The following FRK variants were observed in gnomAD, a reference collection of about 807,000 sequenced individuals.
FRK encodes fyn related Src family tyrosine kinase.
In FRK, 51 loss-of-function variants were observed where a neutral mutation model predicts 56.4. The observed-to-expected ratio is 0.90, with a 90% CI of 0.72 to 1.14. FRK has a LOEUF of 1.14. Ranked by LOEUF, FRK falls within the 50% of genes most tolerant of loss-of-function variation. The pLI is 0.00. For missense variants in FRK, 570 were observed against 601.4 expected, an observed-to-expected ratio of 0.95 and a Z score of 0.55; for synonymous variants, 245 against 217.9, an observed-to-expected ratio of 1.12 and a Z score of -1.10.
chr6:116,004,805 C>A (rs1396630643), intron 1 of FRK, among the ~76,000 whole-genome samples: 2 of 152,006 alleles, frequency 1.3e-5, no homozygotes, highest in Admixed American at 6.6e-5. Flanking sequence ...TAGTAGAAAC[C>A]AATGTGTTCT....
intron 2 of FRK, among the ~76,000 whole-genome samples, chr6:115,991,524 G>T (rs1405357928): frequency 6.6e-6 from 1 of 151,610 alleles, no homozygotes; most frequent in Non-Finnish European, 1.5e-5. Flanking sequence ...CTATTGAGAT[G>T]GTTGCATAAT....
At chr6:116,027,838 A>AC (rs1179536745) in intron 1 of FRK, among the ~76,000 whole-genome samples, 7 of 144,586 alleles carry the variant, frequency 4.8e-5, no homozygotes, top group African/African-American at 1.8e-4. Context: ...CTTTGAGTTT[A>AC]AAAAAAAAAA....
intron 2 of FRK, among the ~76,000 whole-genome samples, chr6:115,984,588 A>G (rs1774320842): frequency 1.3e-5 from 2 of 152,020 alleles, no homozygotes; most frequent in African/African-American, 4.8e-5. Flanking sequence ...TGGATGCACT[A>G]ATAATGAATC....
intron 1 of FRK, among the ~76,000 whole-genome samples, chr6:116,005,002 A>C (rs2114698340): frequency 6.6e-6 from 1 of 152,266 alleles, no homozygotes; most frequent in Non-Finnish European, 1.5e-5. Flanking sequence ...GGGAGAAAAA[A>C]AAAAATGTGT....
intron 1 of FRK, among the ~76,000 whole-genome samples, chr6:116,052,767 C>G (rs759481807): frequency 1.1e-4 from 16 of 152,068 alleles, no homozygotes; most frequent in Non-Finnish European, 1.8e-4. Flanking sequence ...AGGGAGAGTG[C>G]AGACGGTCGA....
chr6:116,000,481 G>A (rs1222750163), intron 2 of FRK, among the ~76,000 whole-genome samples: 1 of 151,770 alleles, frequency 6.6e-6, no homozygotes, highest in African/African-American at 2.4e-5. Flanking sequence ...GGCCCCAAGT[G>A]ATCCACCCAG....
intron 1 of FRK, 133 bp from the exon 2 acceptor site, chr6:116,004,131 T>C (rs1271627114): frequency 2.7e-6 from 2 of 730,750 alleles, no homozygotes; most frequent in Non-Finnish European, 4.4e-6. Flanking sequence ...CAGGTATAAA[T>C]GGTAGCTTCT....
intron 1 of FRK, among the ~76,000 whole-genome samples, chr6:116,016,497 C>T (rs1775658624): frequency 6.6e-6 from 1 of 152,020 alleles, no homozygotes; most frequent in Non-Finnish European, 1.5e-5. Flanking sequence ...AATCTTAATC[C>T]ATACATGACA....
chr6:115,946,998 T>C (rs576287871), intron 5 of FRK, among the ~76,000 whole-genome samples: 60 of 152,006 alleles, frequency 3.9e-4, no homozygotes, highest in African/African-American at 1.4e-3. Context: ...AAGGAGGTGG[T>C]GGCAAATTCC....
chr6:115,979,078 AACAG>A (rs1439429421), intron 2 of FRK, among the ~76,000 whole-genome samples: 1 of 152,044 alleles, frequency 6.6e-6, no homozygotes, highest in African/African-American at 2.4e-5. Context: ...ATACATGCAA[AACAG>A]ACAGAGAGTA....
At position 116,034,355 on chromosome 6, in the gene FRK, T is replaced by C. The variant is rs528117512; in HGVS notation, c.344+25613A>G. ...TGTATGCATGAATCAAAATATCACA[T>C]GTACACCATAAATATGTATAATTAT... On this transcript the variant is annotated intron_variant, in intron 1 of 7. Transcript: ENST00000606080. Among the ~76,000 whole-genome samples the C allele has an allele frequency of 6.4e-4, 98 of 152,224 alleles. 5 individuals carry two copies. In the South Asian group the frequency reaches 0.017, roughly 26 times the overall value.
the FRK span, among the ~76,000 whole-genome samples, chr6:116,096,730 A>C: frequency 3.9e-5 from 6 of 152,352 alleles, no homozygotes; most frequent in African/African-American, 1.2e-4. Flanking sequence ...GGGACAAATA[A>C]GGGAATAAAA....
At chr6:116,090,041 A>C in the FRK span, among the ~76,000 whole-genome samples, 2 of 152,196 alleles carry the variant, frequency 1.3e-5, no homozygotes, top group Admixed American at 1.3e-4. Context: ...TAAACAAATA[A>C]TTTTTTAGCA....
intron 1 of FRK, among the ~76,000 whole-genome samples, chr6:116,042,037 C>T (rs1776737617): frequency 6.6e-6 from 1 of 152,212 alleles, no homozygotes; most frequent in South Asian, 2.1e-4. Context: ...CTGAAGTCTA[C>T]CTGGGACACT....
intron 5 of FRK, among the ~76,000 whole-genome samples, chr6:115,955,611 TTAA>T (rs1772953252): frequency 6.6e-6 from 1 of 152,240 alleles, no homozygotes; most frequent in African/African-American, 2.4e-5. Context: ...GTTTTGTAGC[TTAA>T]TGTTACCAGC....
At chr6:116,020,325 T>G (rs1229027336) in intron 1 of FRK, among the ~76,000 whole-genome samples, 1 of 152,044 alleles carries the variant, frequency 6.6e-6, no homozygotes, top group Non-Finnish European at 1.5e-5. Context: ...GGAGTTTTGC[T>G]CGGACGCCCA....
In FRK at chr6:115,943,084, G is replaced by C; in HGVS notation, c.1242C>G (p.Ser414=). 3.1e-6 allele frequency: 5 copies of C among 1,613,322 alleles called. No individual in the cohort carries two copies. The highest frequency in any genetic ancestry group is 4.2e-6 in the Non-Finnish European group (5 of 1,179,642). The change falls in exon 7 of 8, where the codon TCC becomes TCG. Residue 414 remains serine, a synonymous_variant. Coordinates refer to ENST00000606080, the MANE Select transcript of FRK (RefSeq NM_002031.3). ...AIRSNKFSIK[S]DVWSFGILLY... ...GAAGGATTCCAAATGACCATACATC[G>C]GACTTAATGCTGAATTTATTACTAC...
intron 2 of FRK, chr6:116,002,676 T>C (rs1253970388): frequency 1.8e-5 from 8 of 455,192 alleles, no homozygotes; most frequent in Non-Finnish European, 4.4e-6. Context: ...AGAACTAGCA[T>C]ACTCTAACCT....
At chr6:116,004,133 G>A in intron 1 of FRK, 135 bp from the exon 2 acceptor site, 1 of 727,222 alleles carries the variant, frequency 1.4e-6, no homozygotes, top group Non-Finnish European at 2.2e-6. Flanking sequence ...GGTATAAATG[G>A]TAGCTTCTGA....
Sources: allele counts gnomAD v4.1 joint callset (sites outside exome capture counted in the v4.1 genomes callset), GRCh38; gene constraint gnomAD v4.1.1; transcripts MANE v1.5; gene names NCBI Gene and HGNC (gene_info 2026-07-23, HGNC 2026-07-21).